WDR48: variants seen among roughly 807,000 people sequenced by gnomAD.
WDR48 encodes the protein WD repeat-containing protein 48.
Under a neutral mutation model 94.0 loss-of-function variants are expected in WDR48, and 22 were observed. The ratio of observed to expected loss-of-function variants is 0.23; its 90% confidence interval spans 0.17 to 0.33. The LOEUF (loss-of-function observed/expected upper bound fraction) is 0.33, where lower values mean the gene tolerates loss of function less well. Among genes scored for constraint, WDR48 ranks in the 10% least tolerant of loss-of-function variants. The probability of loss-of-function intolerance (pLI) is 1.00; values close to 1 mark genes in which losing one functional copy is unlikely to be tolerated. For synonymous variants in WDR48, 278 were observed against 280.5 expected (o/e 0.99, Z 0.09); for missense variants, 541 against 813.8 (o/e 0.66, Z 4.08).
At chr3:39,061,406 A>C (rs2033256238) in intron 1 of WDR48, among the ~76,000 whole-genome samples, 1 of 152,044 alleles carries the variant, frequency 6.6e-6, no homozygotes, top group African/African-American at 2.4e-5. Flanking sequence ...GGCTTCATCC[A>C]TGTCCCTGCA....
chr3:39,088,018 G>C, intron 14 of WDR48, 110 bp from the exon 15 acceptor site: 1 of 997,706 alleles, frequency 1.0e-6, no homozygotes, highest in Non-Finnish European at 1.5e-6. Flanking sequence ...TGGACTTAGA[G>C]GACATTTGAA....
chr3:39,082,533 G>A (rs1483118112), intron 11 of WDR48, among the ~76,000 whole-genome samples: 3 of 152,068 alleles, frequency 2.0e-5, no homozygotes, highest in Non-Finnish European at 2.9e-5. Flanking sequence ...GCCCGTCTTG[G>A]CCTCCCACAG....
At chr3:39,060,346 T>C (rs574665538) in intron 1 of WDR48, among the ~76,000 whole-genome samples, 34 of 152,210 alleles carry the variant, frequency 2.2e-4, no homozygotes, top group African/African-American at 7.2e-4. Flanking sequence ...GTAAAATATG[T>C]GGCTTCTTTC....
At chr3:39,092,491 A>G (rs1179842108) in intron 17 of WDR48, among the ~76,000 whole-genome samples, 4 of 152,136 alleles carry the variant, frequency 2.6e-5, no homozygotes, top group African/African-American at 9.7e-5. Context: ...GCAGCATGGG[A>G]TGGAGGGGCA....
chr3:39,087,696 A>G (rs1013889694), intron 14 of WDR48: 5 of 160,184 alleles, frequency 3.1e-5, no homozygotes, highest in African/African-American at 1.2e-4. Context: ...GGATTTTTTC[A>G]CAAATGCTTC....
chr3:39,074,704 C>G, intron 7 of WDR48, 22 bp from the exon 8 acceptor site: 1 of 1,601,836 alleles, frequency 6.2e-7, no homozygotes, highest in Non-Finnish European at 8.5e-7. Flanking sequence ...CAAGTTCTAA[C>G]TTTGCCTTTC....
At chr3:39,092,486 A>G (rs1301234136) in intron 17 of WDR48, among the ~76,000 whole-genome samples, 2 of 152,178 alleles carry the variant, frequency 1.3e-5, no homozygotes, top group Non-Finnish European at 2.9e-5. Context: ...CACCTGCAGC[A>G]TGGGATGGAG....
intron 1 of WDR48, among the ~76,000 whole-genome samples, chr3:39,060,082 T>C (rs766843559): frequency 3.8e-4 from 58 of 152,206 alleles, no homozygotes; most frequent in African/African-American, 1.4e-3. Flanking sequence ...ATAATAACAT[T>C]GTGATAAAAT....
At chr3:39,076,275 G>T (rs2034220700) in intron 8 of WDR48, among the ~76,000 whole-genome samples, 1 of 152,198 alleles carries the variant, frequency 6.6e-6, no homozygotes, top group South Asian at 2.1e-4. Context: ...GACCGAACCA[G>T]TAATCCTTTA....
Position 39,095,040 on chromosome 3 carries a change from T to G in WDR48, c.*297T>G, listed in dbSNP as rs998895935. ...ACAGGCCAGTGCAGACTTTGCTTCC[T>G]CCTTTTGTTTCAAAGGACCTTATCT... On this transcript the variant is annotated 3_prime_UTR_variant, in exon 19 of 19. Transcript: ENST00000302313. The G allele has an allele frequency of 7.4e-6, 3 of 404,872 alleles. No individual in the cohort carries two copies. The highest frequency in any genetic ancestry group is 1.3e-5 in the Non-Finnish European group (3 of 225,552). The allele number at this position is 404,872 out of a possible 1,614,324, so 25.1% of individuals were successfully genotyped here.
At chr3:39,079,565 A>G in intron 10 of WDR48, 146 bp from the exon 11 acceptor site, 1 of 494,250 alleles carries the variant, frequency 2.0e-6, no homozygotes, top group Non-Finnish European at 3.5e-6. Flanking sequence ...TTTAGATATA[A>G]TTATATAGTC....
At chr3:39,063,906 A>G (rs1435810015) in intron 2 of WDR48, among the ~76,000 whole-genome samples, 1 of 152,200 alleles carries the variant, frequency 6.6e-6, no homozygotes, top group African/African-American at 2.4e-5. Context: ...AGCCGTGATC[A>G]CACCACTGCA....
chr3:39,070,685 ATCTT>A (rs2125654223), intron 7 of WDR48, among the ~76,000 whole-genome samples: 1 of 132,758 alleles, frequency 7.5e-6, no homozygotes, highest in East Asian at 2.3e-4. Context: ...GATGTGAAGG[ATCTT>A]TTTTTTTTTT....
At chr3:39,089,403 A>C in intron 16 of WDR48, 85 bp downstream of exon 16, 1 of 1,313,578 alleles carries the variant, frequency 7.6e-7, no homozygotes, top group Non-Finnish European at 1.0e-6. Context: ...ATAATTTTAA[A>C]CCTTAATAAA....
intron 7 of WDR48, among the ~76,000 whole-genome samples, chr3:39,073,211 G>T (rs891378828): frequency 2.0e-5 from 3 of 152,144 alleles, no homozygotes; most frequent in South Asian, 2.1e-4. Flanking sequence ...TACACCATCA[G>T]ATTGCCACAT....
intron 7 of WDR48, among the ~76,000 whole-genome samples, chr3:39,074,079 A>G (rs975995821): frequency 6.6e-6 from 1 of 152,234 alleles, no homozygotes; most frequent in Non-Finnish European, 1.5e-5. Context: ...ACAAGTTCCC[A>G]GGGGACGCTG....
intron 11 of WDR48, among the ~76,000 whole-genome samples, chr3:39,081,963 G>C (rs17038402): frequency 0.035 from 5,330 of 152,306 alleles, 193 homozygotes; most frequent in East Asian, 0.16. Flanking sequence ...AACAGTGTGG[G>C]ACAGTCAGGA....
chr3:39,094,310 T>TC (rs1186443129), intron 18 of WDR48: 2 of 1,424,132 alleles, frequency 1.4e-6, no homozygotes, highest in African/African-American at 1.4e-5. Flanking sequence ...CACATGGTCT[T>TC]CTTGATTTGC....
Position 39,094,141 on chromosome 3 carries a change from G to T in WDR48, c.1938+75G>T. The T allele has an allele frequency of 2.0e-6, 3 of 1,527,454 alleles. No homozygotes were observed. In the South Asian group the frequency reaches 4.1e-5, roughly 21 times the overall value. 94.6% of individuals were successfully genotyped at this position (1,527,454 alleles called of 1,614,324 possible). A position where few individuals can be genotyped will look rare whatever the true frequency, so the allele number is the denominator to read the frequency against. ...ATAAAGAGTTACATGCCTTTGGGTG[G>T]GGGGCTTCTACTTTTAGAGGGGCTC... On this transcript the variant is annotated intron_variant, in intron 18 of 18. Coordinates refer to ENST00000302313, the MANE Select transcript of WDR48 (RefSeq NM_020839.4).
Sources: allele counts gnomAD v4.1 joint callset (sites outside exome capture counted in the v4.1 genomes callset), GRCh38; gene constraint gnomAD v4.1.1; transcripts MANE v1.5; gene names NCBI Gene and HGNC (gene_info 2026-07-23, HGNC 2026-07-21).